The following SYTL2 variants were observed in gnomAD, a reference collection of about 807,000 sequenced individuals.
The protein encoded by SYTL2 is synaptotagmin like 2, also known as synaptotagmin-like protein 2.
In SYTL2, 165 loss-of-function variants were observed where a neutral mutation model predicts 198.7. That is an observed-to-expected ratio of 0.83 (90% confidence interval 0.73 to 0.94). The LOEUF (loss-of-function observed/expected upper bound fraction) is 0.94. Ranked by LOEUF, SYTL2 falls within the 40% of genes least tolerant of loss-of-function variation. The pLI is 0.00. For missense variants in SYTL2, 2,835 were observed against 2,582.8 expected, an observed-to-expected ratio of 1.10 and a Z score of -2.12; for synonymous variants, 966 against 917.7, an observed-to-expected ratio of 1.05 and a Z score of -0.95.
intron 1 of SYTL2, among the ~76,000 whole-genome samples, chr11:85,777,915 A>G (rs1020704942): frequency 7.4e-6 from 1 of 135,764 alleles, no homozygotes; most frequent in African/African-American, 2.8e-5. Context: ...CTGACTCCCT[A>G]TTCAAGTGAT....
chr11:85,734,188 C>G lies in SYTL2; in HGVS notation c.1141G>C (p.Asp381His). Residue 381 changes from aspartate (D) to histidine (H), a missense_variant, in exon 7 of 20, where the codon GAC becomes CAC. By Grantham distance (81) the Asp-to-His change is moderately conservative (BLOSUM62 -1). Around this residue, in one of 3 missense-constraint regions of SYTL2, gnomAD observed 2,645 missense variants for 2,381.7 expected, o/e 1.11. Coordinates refer to ENST00000359152, the MANE Select transcript of SYTL2 (RefSeq NM_206927.4). ...TTTCTGTATTGAGAAGGCTTAGGGT[C>G]ACTCTGAAACTCTTCTGTGTCCCCT... ...DAGDTEEFQS[D>H]PKPSQYRKPS... The G allele has an allele frequency of 6.2e-7, 1 of 1,614,152 alleles. No individual in the cohort carries two copies.
intron 16 of SYTL2, among the ~76,000 whole-genome samples, chr11:85,703,928 A>T (rs577506884): frequency 1.1e-4 from 16 of 152,266 alleles, no homozygotes; most frequent in East Asian, 7.7e-4. Flanking sequence ...ACTAATAAAG[A>T]AAAATGAAAA....
Position 85,727,421 on chromosome 11 carries a change from T to G in SYTL2, c.1937A>C (p.Asn646Thr). The G allele has an allele frequency of 1.3e-6, 2 of 1,536,368 alleles. No individual in the cohort carries two copies. Among genetic ancestry groups the G allele is most frequent in the African/African-American group, 1.4e-5 (1 of 73,172 alleles). The change falls in exon 8 of 20, where the codon AAT becomes ACT. Residue 646 changes from asparagine (N) to threonine (T), a missense_variant. Coordinates refer to ENST00000359152, the MANE Select transcript of SYTL2 (RefSeq NM_206927.4). ...TTTTGAATCTTGGCTATAGTCCATA[T>G]TTTTACTCCCTTGACTTGGGGTGCC... ...SYGTPSQGSK[N>T]MDYSQDSKSP... is the part of the protein sequence containing the mutation.
At chr11:85,835,666 T>C in the SYTL2 span, among the ~76,000 whole-genome samples, 1 of 152,130 alleles carries the variant, frequency 6.6e-6, no homozygotes, top group Non-Finnish European at 1.5e-5. Flanking sequence ...ACCCTCCAAC[T>C]CTCCTGCTCC....
intron 1 of SYTL2, among the ~76,000 whole-genome samples, chr11:85,772,552 T>C (rs1044272367): frequency 1.3e-5 from 2 of 152,240 alleles, no homozygotes; most frequent in Non-Finnish European, 2.9e-5. Context: ...TCCTTCATGA[T>C]AGCTGTCATA....
In SYTL2 at chr11:85,725,537, T is replaced by C; in HGVS notation, c.3821A>G (p.Asp1274Gly). 1.2e-6 allele frequency: 2 copies of C among 1,614,098 alleles called. No individual in the cohort carries two copies. The highest frequency in any genetic ancestry group is 8.5e-7 in the Non-Finnish European group (1 of 1,179,972). The stretch of plus-strand genomic sequence containing the variant: ...GAGAGCTGTATTTCCAAAAGTTTCA[T>C]CTCTCACTGGAAAAGGAGCTAGTAT... ...REILAPFPVR[D>G]ETFGNTALLK... The change falls in exon 8 of 20, where the codon GAT (aspartate) becomes GGT (glycine). Residue 1274 changes from aspartate to glycine, a missense_variant. Asp to Gly is a moderately conservative substitution (Grantham distance 94). Coordinates refer to ENST00000359152, the MANE Select transcript of SYTL2 (RefSeq NM_206927.4).
At chr11:85,736,931 G>T (rs148035223) in intron 5 of SYTL2, among the ~76,000 whole-genome samples, 1 of 152,282 alleles carries the variant, frequency 6.6e-6, no homozygotes, top group Non-Finnish European at 1.5e-5. Context: ...CAAGGTCAAA[G>T]GAAACTTGGG....
the SYTL2 span, among the ~76,000 whole-genome samples, chr11:85,830,609 G>A: frequency 1.2e-4 from 19 of 152,102 alleles, no homozygotes; most frequent in Non-Finnish European, 2.2e-4. Context: ...AGCCCACAAA[G>A]GGGTGGGAGA....
chr11:85,726,686 T>C lies in SYTL2; in HGVS notation c.2672A>G (p.Tyr891Cys), dbSNP rs1041348863. The change falls in exon 8 of 20, where the codon TAT (tyrosine) becomes TGT (cysteine). Residue 891 changes from tyrosine to cysteine, a missense_variant. Physicochemically the swap from Tyr to Cys is radical, Grantham distance 194 (BLOSUM62 -2). Around this residue, in one of 3 missense-constraint regions of SYTL2, gnomAD observed 2,645 missense variants for 2,381.7 expected, o/e 1.11. Coordinates refer to ENST00000359152, the MANE Select transcript of SYTL2 (RefSeq NM_206927.4). Reference sequence around the variant, plus strand: ...TTTATCTGATTGCTCAGCTGAAAGATAGTATCTGGATGGACCTGCTATTTG... The same window carrying C: ...TTTATCTGATTGCTCAGCTGAAAGACAGTATCTGGATGGACCTGCTATTTG... ...KPQIAGPSRY[Y>C]LSAEQSDKVS... is the part of the protein sequence containing the mutation. 66 of 1,536,280 alleles carry C rather than the reference T, an allele frequency of 4.3e-5. 1 individual carries two copies. Among genetic ancestry groups the C allele is most frequent in the South Asian group, 1.2e-4 (10 of 84,116 alleles).
chr11:85,788,672 C>G (rs539286023), intron 1 of SYTL2, among the ~76,000 whole-genome samples: 3 of 152,100 alleles, frequency 2.0e-5, no homozygotes, highest in African/African-American at 7.2e-5. Flanking sequence ...TTCCTTTTCC[C>G]TTCCTCTTTG....
At chr11:85,745,901 G>A (rs763414413) in intron 3 of SYTL2, 129 bp from the exon 4 acceptor site, 9 of 820,972 alleles carry the variant, frequency 1.1e-5, no homozygotes, top group Non-Finnish European at 1.7e-5. Flanking sequence ...GGCAATCACT[G>A]GGTCTAAGTA....
rs202210988 is a variant in SYTL2, at chr11:85,709,513, G to T, written c.5746-13C>A. On this transcript the variant is annotated splice_polypyrimidine_tract_variant and intron_variant, in intron 13 of 19. Transcript: ENST00000359152. Reference sequence around the variant, plus strand: ...CACTGCCACTCACCTGAAAGCATCAGAAATACATAGTGTTTGTCTCTATCT... The same window carrying T: ...CACTGCCACTCACCTGAAAGCATCATAAATACATAGTGTTTGTCTCTATCT... 36 of 1,611,840 alleles carry T rather than the reference G, an allele frequency of 2.2e-5. No individual in the cohort carries two copies. Among genetic ancestry groups the T allele is most frequent in the Non-Finnish European group, 2.9e-5 (34 of 1,179,170 alleles).
chr11:85,798,293 G>T (rs2092834113), intron 1 of SYTL2, among the ~76,000 whole-genome samples: 1 of 152,132 alleles, frequency 6.6e-6, no homozygotes, highest in Admixed American at 6.5e-5. Flanking sequence ...TTTCTAAAAG[G>T]TGAAATGTGA....
Position 85,720,956 on chromosome 11 carries a change from G to T in SYTL2, c.5330C>A (p.Ser1777Ter). The change falls in exon 9 of 20, where the codon TCA becomes TAA. Residue 1777 changes from serine to a stop codon, truncating the protein, a stop_gained. Coordinates refer to ENST00000359152, the MANE Select transcript of SYTL2 (RefSeq NM_206927.4). LOFTEE classifies it high-confidence loss of function. ...CAAAACAGGACTGGGTTCTTCTTCT[G>T]AACCTGTTATAAAACAAAATCGATG... ...NAESWRNPSS[S>*]EEEPSPVLKT... is the part of the protein sequence containing the mutation. 6.2e-7 allele frequency: 1 copy of T among 1,603,870 alleles called. No individual in the cohort carries two copies. The highest frequency in any genetic ancestry group is 8.5e-7 in the Non-Finnish European group (1 of 1,173,270).
chr11:85,757,239 A>T (rs2091916216), intron 2 of SYTL2, among the ~76,000 whole-genome samples: 1 of 82,244 alleles, frequency 1.2e-5, no homozygotes, highest in Non-Finnish European at 2.8e-5. Context: ...AAAATTCTAA[A>T]AATTTTTTAA....
At chr11:85,711,082 A>G (rs377070118) in intron 13 of SYTL2, 31 bp downstream of exon 13, 150 of 1,610,902 alleles carry the variant, frequency 9.3e-5, no homozygotes, top group Non-Finnish European at 1.2e-4. Context: ...AGACGCGGAG[A>G]GATATTAATA....
intron 4 of SYTL2, 40 bp from the exon 5 acceptor site, chr11:85,737,696 T>C: frequency 6.5e-7 from 1 of 1,539,742 alleles, no homozygotes; most frequent in African/African-American, 1.4e-5. Context: ...AAACCTCACC[T>C]TTTGAGGAAT....
intron 16 of SYTL2, among the ~76,000 whole-genome samples, chr11:85,702,604 AC>A (rs1218361615): frequency 6.6e-6 from 1 of 152,196 alleles, no homozygotes; most frequent in Non-Finnish European, 1.5e-5. Context: ...ATATAAGCAA[AC>A]AAAAACTAGA....
chr11:85,848,041 A>G, the SYTL2 span, among the ~76,000 whole-genome samples: 1 of 152,168 alleles, frequency 6.6e-6, no homozygotes, highest in Admixed American at 6.6e-5. Context: ...AGCCTAGGCA[A>G]CAAGACAAGA....
Sources: allele counts gnomAD v4.1 joint callset (sites outside exome capture counted in the v4.1 genomes callset), GRCh38; gene constraint gnomAD v4.1.1; regional missense constraint gnomAD v4.1.1; transcripts MANE v1.5; gene names NCBI Gene and HGNC (gene_info 2026-07-23, HGNC 2026-07-21).